The following C4orf51 variants were observed in gnomAD, a reference collection of about 807,000 sequenced individuals.
The protein encoded by C4orf51 is uncharacterized protein C4orf51.
Under a neutral mutation model 25.2 loss-of-function variants are expected in C4orf51, and 25 were observed. The observed-to-expected ratio is 0.99, with a 90% CI of 0.72 to 1.39. The LOEUF is 1.39. Among genes scored for constraint, C4orf51 ranks in the 40% most tolerant of loss-of-function variants. The probability of loss-of-function intolerance (pLI) is 0.00; values close to 1 mark genes in which losing one functional copy is unlikely to be tolerated. For synonymous variants in C4orf51, 100 were observed against 84.5 expected (o/e 1.18, Z -1.01); for missense variants, 252 against 239.6 (o/e 1.05, Z -0.34).
downstream of C4orf51, among the ~76,000 whole-genome samples, chr4:145,755,566 A>T (rs1028102901): frequency 6.6e-6 from 1 of 152,024 alleles, no homozygotes; most frequent in Admixed American, 6.6e-5. Context: ...TCAACTACAA[A>T]GAAAGAATTA....
At chr4:145,768,898 T>A (rs1176909005) in intron 1 of C4orf51, among the ~76,000 whole-genome samples, 18 of 18,630 alleles carry the variant, frequency 9.7e-4, no homozygotes, top group Non-Finnish European at 1.5e-3. Context: ...AAAATATATA[T>A]ATATATATAT....
chr4:145,774,156 A>G (rs1202570650), downstream of C4orf51, among the ~76,000 whole-genome samples: 1 of 152,106 alleles, frequency 6.6e-6, no homozygotes, highest in Non-Finnish European at 1.5e-5. Context: ...GAGGGTTGCT[A>G]TGGGGCTTAA....
chr4:145,696,549 CTTTCCT>C lies in C4orf51; in HGVS notation c.234-8_234-3del, dbSNP rs1324077544. On this transcript the variant is annotated splice_region_variant and splice_polypyrimidine_tract_variant and intron_variant, in intron 1 of 5. Transcript: ENST00000438731. ...ATTTGTAACTTGTTTCTTCTACTTG[CTTTCCT>C]TAGGATGTCATTGACAAACAGTTCT... 6.2e-7 allele frequency: 1 copy of C among 1,610,114 alleles called. No individual in the cohort carries two copies. The highest frequency in any genetic ancestry group is 1.3e-5 in the African/African-American group (1 of 74,962).
At chr4:145,699,791 T>G (rs1169405033) in intron 2 of C4orf51, among the ~76,000 whole-genome samples, 1 of 151,332 alleles carries the variant, frequency 6.6e-6, no homozygotes, top group African/African-American at 2.4e-5. Flanking sequence ...CTCTACCCCT[T>G]CTCTGCTTTT....
the C4orf51 span, among the ~76,000 whole-genome samples, chr4:145,781,195 C>CAAAAAAAAAAAAAAAAAAAAAAAAAAAAA: frequency 7.6e-4 from 43 of 56,542 alleles, no homozygotes; most frequent in South Asian, 3.3e-3. Context: ...GACACCATCT[C>CAAAAAAAAAAAAAAAAAAAAAAAAAAAAA]AAAAAAAAAA....
chr4:145,757,578 C>G (rs1178034325), downstream of C4orf51: 1 of 150,518 alleles, frequency 6.6e-6, no homozygotes, highest in African/African-American at 2.4e-5. Context: ...AACCCTGAGA[C>G]CAACAAGCAG....
rs1167827361 is a variant in C4orf51 at position 145,732,463 on chromosome 4, G to A, written c.512G>A (p.Arg171Gln). ...GCCATTTTTCTCCAGCTTCATGGAC[G>A]GTGCGATTCTGAAAGCAAGGTTTGC... ...GKGVLKHLHG[R>Q]CDSESKVCSS... The change falls in exon 6 of 6, where the codon CGG (arginine) becomes CAG (glutamine). Residue 171 changes from arginine (R) to glutamine (Q), a missense_variant. Coordinates refer to ENST00000438731, the MANE Select transcript of C4orf51 (RefSeq NM_001080531.3). The A allele has an allele frequency of 3.1e-6, 5 of 1,608,472 alleles. No homozygotes were observed. Among genetic ancestry groups the A allele is most frequent in the East Asian group, 4.5e-5 (2 of 44,838 alleles).
chr4:145,685,187 T>C (rs935910235), intron 1 of C4orf51, among the ~76,000 whole-genome samples: 5 of 152,188 alleles, frequency 3.3e-5, no homozygotes, highest in Admixed American at 2.6e-4. Flanking sequence ...AAACACCTAT[T>C]GGAACTGTAT....
At chr4:145,783,312 T>C in the C4orf51 span, among the ~76,000 whole-genome samples, 250 of 152,356 alleles carry the variant, frequency 1.6e-3, no homozygotes, top group African/African-American at 5.8e-3. Context: ...TCTTATTTTA[T>C]AGTAGGAAAG....
rs1734552720 is a variant in C4orf51, at chr4:145,761,825, G to A, written n.167-9163G>A. On this transcript the variant is annotated intron_variant and non_coding_transcript_variant, in intron 1 of 1. Coordinates refer to the C4orf51 transcript ENST00000510096. The surrounding 1 kb of genome is among the most constrained non-coding windows in gnomAD (Gnocchi z 6.8). ...AAGCAGCTCTGGCAAGGTCCGCTCA[G>A]CCTATTCTGGGTCTCTTGGCCGATA... Among the ~76,000 whole-genome samples the A allele has an allele frequency of 6.6e-6, 1 of 152,214 alleles. No homozygotes were observed. The highest frequency in any genetic ancestry group is 1.5e-5 in the Non-Finnish European group (1 of 68,026).
downstream of C4orf51, among the ~76,000 whole-genome samples, chr4:145,756,407 G>C (rs184989486): frequency 4.0e-3 from 606 of 152,220 alleles, 2 homozygotes; most frequent in Admixed American, 0.026. Flanking sequence ...GAGATGCCGG[G>C]GTCCACACAC....
chr4:145,686,268 A>G (rs1729146611), intron 1 of C4orf51, among the ~76,000 whole-genome samples: 1 of 152,210 alleles, frequency 6.6e-6, no homozygotes, highest in South Asian at 2.1e-4. Flanking sequence ...ATGGGGAGTT[A>G]TTGTTTAATG....
the C4orf51 span, chr4:145,779,577 A>T: frequency 6.4e-7 from 1 of 1,571,372 alleles, no homozygotes; most frequent in South Asian, 1.2e-5. Flanking sequence ...GTTAGTCAAC[A>T]TTCAGGATTT....
chr4:145,728,151 T>C (rs1732218313), intron 3 of C4orf51, among the ~76,000 whole-genome samples: 1 of 150,456 alleles, frequency 6.6e-6, no homozygotes, highest in African/African-American at 2.4e-5. Context: ...TACGTTTTTG[T>C]AGCTGTAAAA....
intron 1 of C4orf51, among the ~76,000 whole-genome samples, chr4:145,689,803 T>C (rs181178994): frequency 2.0e-5 from 3 of 152,304 alleles, no homozygotes; most frequent in Non-Finnish European, 2.9e-5. Context: ...CTGGGAAAAC[T>C]GGCTAACCAT....
At chr4:145,783,405 T>C in the C4orf51 span, among the ~76,000 whole-genome samples, 1 of 152,262 alleles carries the variant, frequency 6.6e-6, no homozygotes, top group South Asian at 2.1e-4. Flanking sequence ...AATTGCTGTT[T>C]TAACTCAATT....
At chr4:145,716,749 G>A (rs1308779507) in intron 2 of C4orf51, among the ~76,000 whole-genome samples, 1 of 152,142 alleles carries the variant, frequency 6.6e-6, no homozygotes, top group Non-Finnish European at 1.5e-5. Flanking sequence ...GGAGATAAAG[G>A]TTTTTGATGG....
At chr4:145,779,795 T>G in the C4orf51 span, among the ~76,000 whole-genome samples, 3 of 152,266 alleles carry the variant, frequency 2.0e-5, no homozygotes, top group Non-Finnish European at 4.4e-5. Flanking sequence ...GATAGCACTG[T>G]GCCCAGTATA....
chr4:145,699,781 C>T (rs1475259730), intron 2 of C4orf51, among the ~76,000 whole-genome samples: 1 of 152,102 alleles, frequency 6.6e-6, no homozygotes, highest in Non-Finnish European at 1.5e-5. Flanking sequence ...CTCTCCTTGT[C>T]TCTACCCCTT....
Sources: allele counts gnomAD v4.1 joint callset (sites outside exome capture counted in the v4.1 genomes callset), GRCh38; gene constraint gnomAD v4.1.1; non-coding constraint Gnocchi (gnomAD v3.1); transcripts MANE v1.5; gene names NCBI Gene and HGNC (gene_info 2026-07-23, HGNC 2026-07-21).